The following SLC6A15 variants were observed in gnomAD, a reference collection of about 807,000 sequenced individuals.
SLC6A15 encodes solute carrier family 6 member 15, also known as sodium-dependent neutral amino acid transporter B(0)AT2.
Under a neutral mutation model 68.5 loss-of-function variants are expected in SLC6A15, and 33 were observed. The observed-to-expected ratio is 0.48, with a 90% CI of 0.37 to 0.64. The LOEUF (loss-of-function observed/expected upper bound fraction) is 0.64, where lower values mean the gene tolerates loss of function less well. Among genes scored for constraint, SLC6A15 ranks in the 30% least tolerant of loss-of-function variants. The pLI is 0.00. For missense variants in SLC6A15, 747 were observed against 874.3 expected (o/e 0.85, Z 1.84); for synonymous variants, 347 against 301.0 (o/e 1.15, Z -1.58).
At chr12:84,863,826 CCTT>C (rs956126546) in intron 10 of SLC6A15, among the ~76,000 whole-genome samples, 11 of 151,816 alleles carry the variant, frequency 7.2e-5, no homozygotes, top group Non-Finnish European at 1.6e-4. Flanking sequence ...ACTGATTTCT[CCTT>C]CTACTGATAA....
At chr12:84,894,144 G>A (rs1332839258) in intron 1 of SLC6A15, among the ~76,000 whole-genome samples, 1 of 151,950 alleles carries the variant, frequency 6.6e-6, no homozygotes, top group Non-Finnish European at 1.5e-5. Context: ...AATATTAGTT[G>A]AATACATTAA....
intron 2 of SLC6A15, among the ~76,000 whole-genome samples, chr12:84,888,459 T>C (rs1395609901): frequency 1.3e-5 from 2 of 152,088 alleles, no homozygotes; most frequent in East Asian, 1.9e-4. Context: ...ATGCCCTTCA[T>C]ATTAAATTGA....
intron 6 of SLC6A15, among the ~76,000 whole-genome samples, chr12:84,874,017 A>C (rs953416007): frequency 1.3e-5 from 2 of 152,220 alleles, no homozygotes; most frequent in African/African-American, 4.8e-5. Flanking sequence ...TATAATCAAA[A>C]CTTAAATGAA....
chr12:84,890,106 G>T (rs150057907), intron 2 of SLC6A15, among the ~76,000 whole-genome samples: 1 of 152,026 alleles, frequency 6.6e-6, no homozygotes, highest in East Asian at 1.9e-4. Flanking sequence ...ACAATCTTTG[G>T]TACTGTAACA....
At chr12:84,864,092 A>G (rs1870966862) in intron 10 of SLC6A15, among the ~76,000 whole-genome samples, 1 of 151,026 alleles carries the variant, frequency 6.6e-6, no homozygotes, top group African/African-American at 2.4e-5. Flanking sequence ...ACTAATTACT[A>G]CTTTTCCTAA....
chr12:84,885,496 C>G lies in SLC6A15; in HGVS notation c.513G>C (p.Gln171His). Residue 171 changes from glutamine to histidine, a missense_variant, in exon 4 of 12, where the codon CAG becomes CAC. Coordinates refer to ENST00000266682, the MANE Select transcript of SLC6A15 (RefSeq NM_182767.6). ...IIGWSLFYFS[Q>H]SFQQPLPWDQ... ...CCCAAGGCAGGGGTTGCTGAAAAGACTGAGAAAAATAAAACAAACTCCAGC... is the reference window on the plus strand; with the variant it reads ...CCCAAGGCAGGGGTTGCTGAAAAGAGTGAGAAAAATAAAACAAACTCCAGC... 6.2e-7 allele frequency: 1 copy of G among 1,613,534 alleles called. No individual in the cohort carries two copies. The highest frequency in any genetic ancestry group is 2.2e-5 in the East Asian group (1 of 44,772).
chr12:84,910,982 C>T (rs1304691855), intron 1 of SLC6A15, among the ~76,000 whole-genome samples: 2 of 149,428 alleles, frequency 1.3e-5, no homozygotes, highest in Non-Finnish European at 2.9e-5. Flanking sequence ...CCTTCAAAAC[C>T]TAACACTGTT....
At chr12:84,902,079 T>C (rs940398480) in intron 1 of SLC6A15, among the ~76,000 whole-genome samples, 2 of 151,866 alleles carry the variant, frequency 1.3e-5, no homozygotes, top group African/African-American at 2.4e-5. Flanking sequence ...ACTGAAATAA[T>C]AATCTTGATG....
chr12:84,876,517 G>T lies in SLC6A15; in HGVS notation c.847C>A (p.Arg283Ser), dbSNP rs1236357271. The T allele has an allele frequency of 1.1e-5, 18 of 1,587,438 alleles. No individual in the cohort carries two copies. The highest frequency in any genetic ancestry group is 1.5e-5 in the Non-Finnish European group (18 of 1,164,778). ...FLLNGSIDGI[R>S]HMFTPKLEIM... ...CATACCTTAGGGGTAAACATGTGGC[G>T]AATGCCATCAATTGAACCATTTAAA... Residue 283 changes from arginine to serine, a missense_variant, in exon 6 of 12, where the codon CGC (arginine) becomes AGC (serine). Arg to Ser is a moderately radical substitution (Grantham distance 110). Transcript: ENST00000266682.
chr12:84,888,680 A>AG (rs944954903), intron 2 of SLC6A15, among the ~76,000 whole-genome samples: 31 of 152,136 alleles, frequency 2.0e-4, no homozygotes, highest in African/African-American at 7.5e-4. Context: ...TACTTGGGTG[A>AG]GGGGTACATT....
At chr12:84,904,226 A>G (rs1234161253) in intron 1 of SLC6A15, among the ~76,000 whole-genome samples, 1 of 147,046 alleles carries the variant, frequency 6.8e-6, no homozygotes, top group Non-Finnish European at 1.5e-5. Flanking sequence ...GCGGAGGGGG[A>G]GAGAGAGAGA....
intron 5 of SLC6A15, chr12:84,883,226 T>C: frequency 1.0e-6 from 1 of 982,450 alleles, no homozygotes; most frequent in Non-Finnish European, 1.2e-6. Context: ...CCTTTAAAAA[T>C]AATAACAAAC....
chr12:84,891,794 T>C lies in SLC6A15; in HGVS notation c.289+38A>G. 3 of 1,552,780 alleles carry C rather than the reference T, an allele frequency of 1.9e-6. No individual in the cohort carries two copies. The East Asian group carries it at 6.8e-5, about 35-fold the overall frequency. ...AGCTATTTGAGAAACCCAATTGCAA[T>C]TTACTACAGTAATTTATCACTTAAA... On this transcript the variant is annotated intron_variant, in intron 2 of 11. Transcript: ENST00000266682.
intron 2 of SLC6A15, among the ~76,000 whole-genome samples, chr12:84,891,162 T>C (rs940302392): frequency 1.3e-5 from 2 of 152,166 alleles, no homozygotes; most frequent in African/African-American, 4.8e-5. Flanking sequence ...AGAATAGCAA[T>C]GATGTTGCAG....
intron 2 of SLC6A15, among the ~76,000 whole-genome samples, chr12:84,887,643 T>A (rs1356656397): frequency 6.6e-6 from 1 of 152,144 alleles, no homozygotes; most frequent in Non-Finnish European, 1.5e-5. Flanking sequence ...AGACTGAAAG[T>A]GAATTTTAAC....
At chr12:84,885,262 CA>C (rs1240449507) in intron 4 of SLC6A15, among the ~76,000 whole-genome samples, 172 bp downstream of exon 4, 1 of 151,912 alleles carries the variant, frequency 6.6e-6, no homozygotes, top group African/African-American at 2.4e-5. Context: ...TAGATGGTCC[CA>C]AAAGTCTATC....
At chr12:84,875,928 C>T (rs1430528299) in intron 6 of SLC6A15, among the ~76,000 whole-genome samples, 2 of 151,078 alleles carry the variant, frequency 1.3e-5, no homozygotes, top group African/African-American at 4.9e-5. Context: ...AAATATTCTT[C>T]CAGAAGCTAC....
intron 2 of SLC6A15, among the ~76,000 whole-genome samples, chr12:84,888,353 G>C (rs1414187654): frequency 1.3e-5 from 2 of 151,944 alleles, no homozygotes; most frequent in Non-Finnish European, 2.9e-5. Flanking sequence ...CAAAGATGTG[G>C]AACCAGCCTA....
Position 84,861,975 on chromosome 12 carries a change from C to T in SLC6A15, c.1850G>A (p.Trp617Ter). 6.2e-7 allele frequency: 1 copy of T among 1,604,642 alleles called. No individual in the cohort carries two copies. Among genetic ancestry groups the T allele is most frequent in the South Asian group, 1.1e-5 (1 of 89,754 alleles). ...ASEEFLSYPT[W>*]GLVVCVSLVV... ...CAGAGAGACACAAACAACCAGTCCCCATGTTGGATAGCTCAGAAATTCTTC... is the reference window on the plus strand; with the variant it reads ...CAGAGAGACACAAACAACCAGTCCCTATGTTGGATAGCTCAGAAATTCTTC... The change falls in exon 12 of 12, where the codon TGG (tryptophan) becomes TAG (stop). Residue 617 changes from tryptophan to a stop codon, truncating the protein, a stop_gained. Transcript: ENST00000266682. LOFTEE classifies it high-confidence loss of function.
Sources: allele counts gnomAD v4.1 joint callset (sites outside exome capture counted in the v4.1 genomes callset), GRCh38; gene constraint gnomAD v4.1.1; transcripts MANE v1.5; gene names NCBI Gene and HGNC (gene_info 2026-07-23, HGNC 2026-07-21).